The following ZFHX3 variants were observed in gnomAD, a reference collection of about 807,000 sequenced individuals.
ZFHX3 encodes the protein zinc finger homeobox protein 3.
A neutral mutation model predicts 279.1 loss-of-function variants in ZFHX3; 42 were observed. The ratio of observed to expected loss-of-function variants is 0.15; its 90% CI spans 0.12 to 0.19. The LOEUF (loss-of-function observed/expected upper bound fraction) is 0.19. Ranked by LOEUF, ZFHX3 falls within the 10% of genes least tolerant of loss-of-function variation. ZFHX3 has a pLI of 1.00. For synonymous variants in ZFHX3, 2,293 were observed against 1,957.8 expected, an observed-to-expected ratio of 1.17 and a Z score of -4.52; for missense variants, 4,981 against 4,754.0, an observed-to-expected ratio of 1.05 and a Z score of -1.40.
intron 1 of ZFHX3, among the ~76,000 whole-genome samples, chr16:73,034,568 T>C (rs1164537614): frequency 4.6e-5 from 7 of 152,176 alleles, no homozygotes; most frequent in Admixed American, 6.5e-5. Flanking sequence ...TGCCCCAAAC[T>C]AGCAACCCAC....
chr16:73,844,769 T>C (rs1219516993), intron 1 of ZFHX3, among the ~76,000 whole-genome samples: 4 of 150,588 alleles, frequency 2.7e-5, no homozygotes, highest in African/African-American at 7.3e-5. Flanking sequence ...ATGACAGAGA[T>C]AGACAATACA....
intron 3 of ZFHX3, among the ~76,000 whole-genome samples, chr16:73,349,131 G>T (rs1338647314): frequency 2.0e-5 from 3 of 152,118 alleles, no homozygotes; most frequent in African/African-American, 7.2e-5. Flanking sequence ...TCTCCCGAGG[G>T]ATCTCTTGTG....
chr16:73,171,495 G>GGGGGGGCGGGGT (rs1448282549), intron 5 of ZFHX3, among the ~76,000 whole-genome samples: 2 of 140,428 alleles, frequency 1.4e-5, no homozygotes, highest in Admixed American at 1.4e-4. Context: ...GAAAATGGCG[G>GGGGGGGCGGGGT]GGGGGGCGGG....
intron 2 of ZFHX3, among the ~76,000 whole-genome samples, chr16:73,671,785 GACTT>G (rs1469606739): frequency 6.6e-6 from 1 of 152,114 alleles, no homozygotes; most frequent in Non-Finnish European, 1.5e-5. Flanking sequence ...GGGGAGTTTA[GACTT>G]ACTTAGGAAA....
chr16:73,082,958 C>T (rs150493890), intron 8 of ZFHX3, among the ~76,000 whole-genome samples: 5,369 of 148,034 alleles, frequency 0.036, 122 homozygotes, highest in Non-Finnish European at 0.053. Flanking sequence ...CCGAGGTGGA[C>T]GGATTACTTG....
intron 3 of ZFHX3, among the ~76,000 whole-genome samples, chr16:73,412,802 C>T (rs1333548878): frequency 1.3e-5 from 2 of 152,190 alleles, no homozygotes; most frequent in Non-Finnish European, 2.9e-5. Flanking sequence ...ACATCATAGC[C>T]TATTAGTACA....
At chr16:73,308,197 G>C (rs937309158) in intron 4 of ZFHX3, among the ~76,000 whole-genome samples, 45 of 133,232 alleles carry the variant, frequency 3.4e-4, no homozygotes, top group Admixed American at 2.5e-3. Context: ...TAAAAGTTTA[G>C]ATTGAGTTAT....
chr16:73,797,136 G>A (rs904617451), intron 1 of ZFHX3, among the ~76,000 whole-genome samples: 3 of 152,098 alleles, frequency 2.0e-5, no homozygotes, highest in Non-Finnish European at 4.4e-5. Context: ...CCAGGAGGCA[G>A]AGGTGGCAGT....
intron 2 of ZFHX3, among the ~76,000 whole-genome samples, chr16:72,955,107 C>G (rs922014684): frequency 1.3e-5 from 2 of 152,168 alleles, no homozygotes; most frequent in Non-Finnish European, 2.9e-5. Flanking sequence ...TTCCTATGGC[C>G]CCCACACCCA....
intron 3 of ZFHX3, among the ~76,000 whole-genome samples, chr16:72,907,622 A>C (rs955377995): frequency 6.9e-6 from 1 of 145,294 alleles, no homozygotes; most frequent in African/African-American, 2.6e-5. Flanking sequence ...GTATGCACAC[A>C]GGTGCAGGCT....
At chr16:73,467,638 G>C (rs1484117582) in intron 2 of ZFHX3, among the ~76,000 whole-genome samples, 3 of 152,114 alleles carry the variant, frequency 2.0e-5, no homozygotes, top group Admixed American at 2.0e-4. Context: ...GTGAGTGTAT[G>C]GGTATTCACT....
At chr16:73,298,686 A>G (rs1235138851) in intron 4 of ZFHX3, among the ~76,000 whole-genome samples, 2 of 152,180 alleles carry the variant, frequency 1.3e-5, no homozygotes, top group Non-Finnish European at 2.9e-5. Context: ...GAGCTCAGCA[A>G]TGCGAACTGA....
chr16:73,065,536 A>G (rs1965737530), intron 8 of ZFHX3, among the ~76,000 whole-genome samples: 1 of 151,062 alleles, frequency 6.6e-6, no homozygotes, highest in South Asian at 2.1e-4. Flanking sequence ...GAAATGAAGG[A>G]AATCAGTGGG....
intron 1 of ZFHX3, among the ~76,000 whole-genome samples, chr16:73,696,360 G>C (rs2053197586): frequency 6.6e-6 from 1 of 152,170 alleles, no homozygotes; most frequent in Admixed American, 6.5e-5. Context: ...AAGTAGTAAA[G>C]AGGTGGATAT....
chr16:73,187,761 G>C (rs1967946006), intron 5 of ZFHX3, among the ~76,000 whole-genome samples: 1 of 152,200 alleles, frequency 6.6e-6, no homozygotes, highest in Non-Finnish European at 1.5e-5. Flanking sequence ...ATGATGCTTG[G>C]TGTAGAGAAA....
At chr16:73,111,611 CA>C (rs1274836834) in intron 7 of ZFHX3, among the ~76,000 whole-genome samples, 5 of 135,224 alleles carry the variant, frequency 3.7e-5, no homozygotes, top group African/African-American at 1.4e-4. Context: ...GAAAGAAAGA[CA>C]GAAAGAAAGA....
At position 73,318,515 on chromosome 16, in the gene ZFHX3, C is replaced by CT. The variant is rs376606896; in HGVS notation, c.-1290-180dup. On this transcript the variant is annotated intron_variant, in intron 3 of 17. Transcript: ENST00000641206. The stretch of plus-strand genomic sequence containing the variant: ...TATTACTATTGGGTGACTGTTTTTG[C>CT]TTTTTTTTTTCTTTATTCCTTTTTC... Among the ~76,000 whole-genome samples the CT allele has an allele frequency of 4.1e-3, 614 of 149,474 alleles. 1 individual carries two copies. Among genetic ancestry groups the CT allele is most frequent in the African/African-American group, 0.013 (536 of 40,802 alleles).
upstream of ZFHX3, among the ~76,000 whole-genome samples, chr16:73,052,209 T>A (rs938382101): frequency 7.1e-6 from 1 of 140,054 alleles, no homozygotes; most frequent in African/African-American, 2.7e-5. Flanking sequence ...TTATACAAAT[T>A]GTAGATTTAA....
At chr16:73,284,850 G>C (rs1260267537) in intron 4 of ZFHX3, among the ~76,000 whole-genome samples, 4 of 151,852 alleles carry the variant, frequency 2.6e-5, no homozygotes, top group Non-Finnish European at 5.9e-5. Flanking sequence ...CTTTGTTTTT[G>C]TTTTGTTTTT....
Sources: gnomAD v4.1 joint callset for allele counts (sites outside exome capture counted in the v4.1 genomes callset) on GRCh38, gnomAD v4.1.1 for gene constraint, MANE v1.5 for transcripts, NCBI Gene and HGNC (gene_info 2026-07-23, HGNC 2026-07-21) for gene names.